Variants in CHD7 observed in about 807,000 individuals in gnomAD.
CHD7 encodes chromodomain helicase DNA binding protein 7, also known as ATP-dependent chromatin remodeler CHD7.
A neutral mutation model predicts 307.3 loss-of-function variants in CHD7; 24 were observed. That is an observed-to-expected ratio of 0.08 (90% confidence interval 0.06 to 0.11). The LOEUF is 0.11. Among genes scored for constraint, CHD7 ranks in the 10% least tolerant of loss-of-function variants. The pLI, the probability that CHD7 is intolerant of heterozygous loss-of-function variation, is 1.00. For missense variants in CHD7, 3,106 were observed against 3,727.1 expected (o/e 0.83, Z 4.34); for synonymous variants, 1,363 against 1,349.9 (o/e 1.01, Z -0.21).
Position 60,853,429 on chromosome 8 carries a change from A to C in CHD7, c.6704A>C (p.Lys2235Thr). The change falls in exon 31 of 38, where the codon AAA becomes ACA. Residue 2235 changes from lysine (K) to threonine (T), a missense_variant. By Grantham distance (78) the Lys-to-Thr change is moderately conservative (BLOSUM62 -1). Coordinates refer to ENST00000423902, the MANE Select transcript of CHD7 (RefSeq NM_017780.4). The part of the protein sequence containing the change: ...ADTGSKSISE[K>T]GSEEDEEEKL... ...ACTGGGTCCAAATCTATTTCAGAGA[A>C]AGGTTCCGAAGAGGATGAAGAGGAA... 3 of 1,521,462 alleles carry C rather than the reference A, an allele frequency of 2.0e-6. No individual in the cohort carries two copies. The highest frequency in any genetic ancestry group is 1.4e-5 in the South Asian group (1 of 73,834). The allele number at this position is 1,521,462 out of a possible 1,614,324, so 94.2% of individuals were successfully genotyped here. A position where few individuals can be genotyped will look rare whatever the true frequency, so the allele number is the denominator to read the frequency against.
chr8:60,704,069 TA>T (rs1246706372), intron 1 of CHD7, among the ~76,000 whole-genome samples: 2 of 151,986 alleles, frequency 1.3e-5, no homozygotes, highest in Non-Finnish European at 2.9e-5. Context: ...CCTGCCCCTT[TA>T]AAAAAACACT....
At chr8:60,838,739 T>C (rs1804845523) in intron 19 of CHD7, among the ~76,000 whole-genome samples, 1 of 152,224 alleles carries the variant, frequency 6.6e-6, no homozygotes, top group African/African-American at 2.4e-5. Flanking sequence ...TCTACTTATT[T>C]TTCAGCTTTT....
intron 3 of CHD7, among the ~76,000 whole-genome samples, chr8:60,784,729 A>G (rs554578340): frequency 6.6e-6 from 1 of 152,304 alleles, no homozygotes; most frequent in East Asian, 1.9e-4. Context: ...AAATATGATC[A>G]TACATGTCTT....
intron 2 of CHD7, among the ~76,000 whole-genome samples, chr8:60,778,105 A>AGG (rs144776599): frequency 2.6e-4 from 21 of 81,684 alleles, no homozygotes; most frequent in Non-Finnish European, 4.8e-4. Context: ...TGGGGGGTGG[A>AGG]GGGGGGGACA....
intron 1 of CHD7, among the ~76,000 whole-genome samples, chr8:60,680,413 G>A (rs1356854698): frequency 7.4e-6 from 1 of 134,738 alleles, no homozygotes; most frequent in Admixed American, 7.1e-5. Flanking sequence ...GGGGGGGGCG[G>A]GGGCGGCGGC....
intron 1 of CHD7, among the ~76,000 whole-genome samples, chr8:60,714,658 C>T (rs528742013): frequency 3.9e-5 from 6 of 152,178 alleles, no homozygotes; most frequent in Admixed American, 3.9e-4. Context: ...AGGCCACGCC[C>T]TCTGTTCCGA....
Position 60,852,852 on chromosome 8 carries a change from A to G in CHD7, c.6127A>G (p.Ile2043Val). 6.2e-7 allele frequency: 1 copy of G among 1,613,260 alleles called. No individual in the cohort carries two copies. Among genetic ancestry groups the G allele is most frequent in the Non-Finnish European group, 8.5e-7 (1 of 1,179,354 alleles). Residue 2043 changes from isoleucine (I) to valine (V), a missense_variant, in exon 31 of 38, where the codon ATT (isoleucine) becomes GTT (valine). Around this residue, in one of 10 missense-constraint regions of CHD7, gnomAD observed 1,030 missense variants for 1,165.4 expected, o/e 0.88. Coordinates refer to ENST00000423902, the MANE Select transcript of CHD7 (RefSeq NM_017780.4). ...DDEPPDLSSIIEPITEERASR... is the reference protein window; with the variant it reads ...DDEPPDLSSIVEPITEERASR... Reference sequence around the variant, plus strand: ...AGAACCGCCCGACCTCTCCTCCATAATTGAGCCGATCACAGAGGAGCGAGC... The same window carrying G: ...AGAACCGCCCGACCTCTCCTCCATAGTTGAGCCGATCACAGAGGAGCGAGC...
At chr8:60,722,812 T>G (rs1313987312) in intron 1 of CHD7, among the ~76,000 whole-genome samples, 1 of 152,244 alleles carries the variant, frequency 6.6e-6, no homozygotes, top group East Asian at 1.9e-4. Flanking sequence ...GAAGAAAATC[T>G]GGTCTCATGT....
At position 60,866,405 on chromosome 8, in the gene CHD7, G is replaced by C. The variant is rs1806243986; in HGVS notation, c.*472G>C. 6.5e-6 allele frequency: 1 copy of C among 153,340 alleles called. No homozygotes were observed. The allele number at this position is 153,340 out of a possible 1,614,324, so 9.5% of individuals were successfully genotyped here. ...TGCTCATTTGTTTCCCTTTTTGACT[G>C]TATGGGGGTTCCCACACTCGTGCAT... On this transcript the variant is annotated 3_prime_UTR_variant, in exon 38 of 38. Coordinates refer to ENST00000423902, the MANE Select transcript of CHD7 (RefSeq NM_017780.4).
chr8:60,803,268 A>G (rs1342586885), intron 6 of CHD7, among the ~76,000 whole-genome samples: 1 of 152,196 alleles, frequency 6.6e-6, no homozygotes, highest in Non-Finnish European at 1.5e-5. Context: ...TTTTCATTCA[A>G]TTGGTAGTGC....
chr8:60,717,008 C>T (rs1807642418), intron 1 of CHD7, among the ~76,000 whole-genome samples: 1 of 150,472 alleles, frequency 6.6e-6, no homozygotes, highest in African/African-American at 2.4e-5. Flanking sequence ...CACATTTTTC[C>T]CCTCTTGTTA....
chr8:60,821,617 T>C (rs1001132626), intron 9 of CHD7, among the ~76,000 whole-genome samples, 173 bp from the exon 10 acceptor site: 1 of 150,622 alleles, frequency 6.6e-6, no homozygotes, highest in African/African-American at 2.4e-5. Flanking sequence ...TGTATAAACA[T>C]ATATATACAT....
intron 15 of CHD7, among the ~76,000 whole-genome samples, chr8:60,833,819 A>C (rs576402060): frequency 1.3e-5 from 2 of 152,344 alleles, no homozygotes; most frequent in African/African-American, 4.8e-5. Context: ...TGTAATCTTG[A>C]AAATTTAGCT....
intron 1 of CHD7, among the ~76,000 whole-genome samples, chr8:60,714,228 T>C (rs1807442747): frequency 6.6e-6 from 1 of 151,906 alleles, no homozygotes; most frequent in Non-Finnish European, 1.5e-5. Flanking sequence ...AGCGGGGTCA[T>C]CGCTGGCACG....
chr8:60,684,888 G>A (rs7013969), intron 1 of CHD7, among the ~76,000 whole-genome samples: 15,090 of 152,220 alleles, frequency 0.099, 1,599 homozygotes, highest in African/African-American at 0.27. Context: ...CTGTGGGATG[G>A]GGAAATCACA....
chr8:60,828,915 C>G, intron 14 of CHD7, 109 bp downstream of exon 14: 1 of 976,246 alleles, frequency 1.0e-6, no homozygotes, highest in Non-Finnish European at 1.5e-6. Context: ...GTTTTTCCCA[C>G]CTAGTACACA....
chr8:60,847,569 C>T (rs949494895), intron 23 of CHD7, among the ~76,000 whole-genome samples: 1 of 152,178 alleles, frequency 6.6e-6, no homozygotes. Context: ...TTTGTATTAC[C>T]ATGTACTCAT....
Position 60,781,338 on chromosome 8 carries a change from C to G in CHD7, c.2004C>G (p.Pro668=). 6.4e-7 allele frequency: 1 copy of G among 1,570,946 alleles called. No homozygotes were observed. The highest frequency in any genetic ancestry group is 8.6e-7 in the Non-Finnish European group (1 of 1,160,848). The change falls in exon 3 of 38, where the codon CCC becomes CCG. Residue 668 remains proline, a synonymous_variant. Transcript: ENST00000423902. ...EPKEKKEPKE[P]KTPKAPKIPK... ...AGGAGAAAAAAGAGCCCAAGGAACC[C>G]AAGACCCCGAAAGCCCCTAAGATTC...
At chr8:60,754,847 A>G (rs576603859) in intron 2 of CHD7, among the ~76,000 whole-genome samples, 2 of 152,228 alleles carry the variant, frequency 1.3e-5, no homozygotes, top group Admixed American at 1.3e-4. Context: ...CAAGAAGTTC[A>G]TCCACTGACC....
Sources: allele counts gnomAD v4.1 joint callset (sites outside exome capture counted in the v4.1 genomes callset), GRCh38; gene constraint gnomAD v4.1.1; regional missense constraint gnomAD v4.1.1; transcripts MANE v1.5; gene names NCBI Gene and HGNC (gene_info 2026-07-23, HGNC 2026-07-21).